EPN3: variants seen among roughly 807,000 people sequenced by gnomAD.
The protein encoded by EPN3 is epsin-3.
EPN3 carries 56 observed loss-of-function variants against 55.5 expected under a neutral mutation model. The observed-to-expected ratio is 1.01, with a 90% CI of 0.81 to 1.26. The LOEUF (loss-of-function observed/expected upper bound fraction) is 1.26, where lower values mean the gene tolerates loss of function less well. EPN3 is among the 50% of genes most tolerant of loss of function. EPN3 has a pLI of 0.00. For missense variants in EPN3, 927 were observed against 853.4 expected (o/e 1.09, Z -1.07); for synonymous variants, 449 against 375.2 (o/e 1.20, Z -2.27).
chr17:50,541,719 C>A (rs774981006), intron 9 of EPN3, 25 bp downstream of exon 9: 8 of 1,609,790 alleles, frequency 5.0e-6, no homozygotes, highest in Non-Finnish European at 6.8e-6. Flanking sequence ...TGTCCCTCAA[C>A]CCAGGGGCTC....
chr17:50,538,022 G>A, intron 2 of EPN3, 57 bp from the exon 3 acceptor site: 1 of 1,388,338 alleles, frequency 7.2e-7, no homozygotes. Context: ...GGCAGGCAGA[G>A]GGGTGTGGGA....
rs150842421 is a variant in EPN3, at chr17:50,534,051, C to T, written c.-137+1066C>T. Reference sequence around the variant, plus strand: ...CAGCGCTCCCAGCTGCTCCCTCCCGCGTTCCCGCGTTCCTTCCTTTCCTCC... The same window carrying T: ...CAGCGCTCCCAGCTGCTCCCTCCCGTGTTCCCGCGTTCCTTCCTTTCCTCC... On this transcript the variant is annotated intron_variant, in intron 1 of 9. Transcript: ENST00000268933. Among the ~76,000 whole-genome samples, 183 of 152,272 alleles carry T rather than the reference C, an allele frequency of 1.2e-3. 2 individuals carry two copies. The highest frequency in any genetic ancestry group is 4.0e-3 in the African/African-American group (167 of 41,548).
chr17:50,540,398 T>C lies in EPN3; in HGVS notation c.979+64T>C. ...CAAGAGCCTCCTCCTTCCCAGCCAC[T>C]TGCTGGGCCAAGCACCTCCTCCCAA... On this transcript the variant is annotated intron_variant, in intron 6 of 9. Coordinates refer to ENST00000268933, the MANE Select transcript of EPN3 (RefSeq NM_017957.3). The C allele has an allele frequency of 4.7e-5, 70 of 1,484,820 alleles. 4 individuals are homozygous for C. The South Asian group carries it at 7.4e-4, about 16-fold the overall frequency. The allele number at this position is 1,484,820 out of a possible 1,614,324, so 92.0% of individuals were successfully genotyped here.
rs1446687771 is a variant in EPN3 at position 50,543,002 on chromosome 17, TCAGA to T, written c.*849_*852del. ...ATGGGGCGGGGCTGGAACTCAAGAG[TCAGA>T]CAGTCTGGCTCCAAGGCCTGGAGAT... On this transcript the variant is annotated 3_prime_UTR_variant, in exon 10 of 10. Coordinates refer to ENST00000268933, the MANE Select transcript of EPN3 (RefSeq NM_017957.3). 2 of 151,960 alleles carry T rather than the reference TCAGA, an allele frequency of 1.3e-5. No homozygotes were observed. Among genetic ancestry groups the T allele is most frequent in the African/African-American group, 4.8e-5 (2 of 41,346 alleles). 9.4% of individuals were successfully genotyped at this position (151,960 alleles called of 1,614,324 possible). A position where few individuals can be genotyped will look rare whatever the true frequency, so the allele number is the denominator to read the frequency against.
At position 50,540,824 on chromosome 17, in the gene EPN3, C is replaced by A. The variant is rs564152652; in HGVS notation, c.1011C>A (p.Ser337=). Residue 337 remains serine, a synonymous_variant, in exon 7 of 10, where the codon TCC becomes TCA. Coordinates refer to ENST00000268933, the MANE Select transcript of EPN3 (RefSeq NM_017957.3). ...GFRPNTEASG[S]SWGPSADPWS... ...GGCCGAACACAGAGGCCAGTGGATCCTCCTGGGGGCCTTCTGCAGACCCCT... is the reference window on the plus strand; with the variant it reads ...GGCCGAACACAGAGGCCAGTGGATCATCCTGGGGGCCTTCTGCAGACCCCT... The A allele has an allele frequency of 6.2e-7, 1 of 1,613,420 alleles. No individual in the cohort carries two copies. The highest frequency in any genetic ancestry group is 1.3e-5 in the African/African-American group (1 of 75,054).
chr17:50,535,841 TAGGTCTTAAGCTA>T (rs2034752041), intron 1 of EPN3, among the ~76,000 whole-genome samples: 1 of 152,154 alleles, frequency 6.6e-6, no homozygotes, highest in Non-Finnish European at 1.5e-5. Flanking sequence ...CTAGGAAGGA[TAGGTCTTAAGCTA>T]GATCTCAGCA....
intron 5 of EPN3, 29 bp from the exon 6 acceptor site, chr17:50,540,218 T>G: frequency 6.2e-7 from 1 of 1,601,674 alleles, no homozygotes. Flanking sequence ...CGCCCACTTC[T>G]GAGCCGCGGC....
In EPN3 at chr17:50,540,845, C is replaced by G; in HGVS notation, c.1032C>G (p.Asp344Glu). Residue 344 changes from aspartate to glutamate, a missense_variant, in exon 7 of 10, where the codon GAC becomes GAG. By Grantham distance (45) the Asp-to-Glu change is conservative. Coordinates refer to ENST00000268933, the MANE Select transcript of EPN3 (RefSeq NM_017957.3). The stretch of plus-strand genomic sequence containing the variant: ...GATCCTCCTGGGGGCCTTCTGCAGA[C>G]CCCTGGTCTCCGATCCCCTCAGGAA... ...ASGSSWGPSA[D>E]PWSPIPSGTV... 1.2e-6 allele frequency: 2 copies of G among 1,614,016 alleles called. No individual in the cohort carries two copies. Among genetic ancestry groups the G allele is most frequent in the Non-Finnish European group, 8.5e-7 (1 of 1,179,960 alleles).
chr17:50,541,363 T>TG (rs1453215948), intron 8 of EPN3, 30 bp downstream of exon 8: 3 of 1,609,156 alleles, frequency 1.9e-6, no homozygotes, highest in African/African-American at 2.7e-5. Context: ...GGTGAGGCTC[T>TG]GGGGAATGAG....
rs1038837301 is a variant in EPN3 at position 50,543,457 on chromosome 17, C to T, written c.*1300C>T. On this transcript the variant is annotated 3_prime_UTR_variant, in exon 10 of 10. Transcript: ENST00000268933. Reference sequence around the variant, plus strand: ...ACTGGACACTGATGTGTCCTCAGTGCTTGGGGTCTGGCTCTGCAGGCAGCC... The same window carrying T: ...ACTGGACACTGATGTGTCCTCAGTGTTTGGGGTCTGGCTCTGCAGGCAGCC... 6.6e-6 allele frequency: 1 copy of T among 152,256 alleles called. No individual in the cohort carries two copies. Among genetic ancestry groups the T allele is most frequent in the East Asian group, 1.9e-4 (1 of 5,190 alleles). 9.4% of individuals were successfully genotyped at this position (152,256 alleles called of 1,614,324 possible).
chr17:50,543,377 C>A lies in EPN3; in HGVS notation c.*1220C>A, dbSNP rs527894645. On this transcript the variant is annotated 3_prime_UTR_variant, in exon 10 of 10. Transcript: ENST00000268933. ...GGCCTGGTACTCAATCCAGGAGGGG[C>A]CCCTATGACCACCCTCGCCTGTTTT... 1 of 152,404 alleles carries A rather than the reference C, an allele frequency of 6.6e-6. No homozygotes were observed. Among genetic ancestry groups the A allele is most frequent in the Admixed American group, 6.5e-5 (1 of 15,308 alleles). 9.4% of individuals were successfully genotyped at this position (152,404 alleles called of 1,614,324 possible).
At chr17:50,538,649 A>T in intron 3 of EPN3, 1 of 465,368 alleles carries the variant, frequency 2.1e-6, no homozygotes, top group Admixed American at 3.8e-5. Context: ...GGAGGGCCTG[A>T]GGAACTCTCA....
chr17:50,540,241 CCA>C lies in EPN3; in HGVS notation c.892-3_892-2del. The C allele has an allele frequency of 1.2e-6, 2 of 1,611,720 alleles. No homozygotes were observed. The highest frequency in any genetic ancestry group is 1.7e-6 in the Non-Finnish European group (2 of 1,179,862). ...TCTGAGCCGCGGCTGCCTCTCCCCT[CCA>C]CAGTCCTCCATCCTGGACTTGGCTG... is the stretch of plus-strand genomic sequence containing the variant. On this transcript the variant is annotated splice_region_variant and splice_polypyrimidine_tract_variant and intron_variant, in intron 5 of 9. Transcript: ENST00000268933.
chr17:50,532,761 G>C lies in EPN3; in HGVS notation c.-361G>C, dbSNP rs1442618217. ...GAGTGCTGCCTGGCGCTGGCTAGGA[G>C]GCAAACGCACGCGGGAAGAGCTGCT... On this transcript the variant is annotated 5_prime_UTR_variant, in exon 1 of 10. Coordinates refer to ENST00000268933, the MANE Select transcript of EPN3 (RefSeq NM_017957.3). 2 of 625,098 alleles carry C rather than the reference G, an allele frequency of 3.2e-6. No homozygotes were observed. The highest frequency in any genetic ancestry group is 4.8e-6 in the Non-Finnish European group (2 of 415,622). 38.7% of individuals were successfully genotyped at this position (625,098 alleles called of 1,614,324 possible).
rs2034811789 is a variant in EPN3, at chr17:50,539,276, A to T, written c.852A>T (p.Arg284Ser). The T allele has an allele frequency of 1.9e-6, 3 of 1,614,088 alleles. No homozygotes were observed. In the South Asian group the frequency reaches 3.3e-5, roughly 18 times the overall value. The change falls in exon 5 of 10, where the codon AGA becomes AGT. Residue 284 changes from arginine (R) to serine (S), a missense_variant. By Grantham distance (110) the Arg-to-Ser change is moderately radical. Transcript: ENST00000268933. ...ATCAGCGGGACAGAGAGCCTGAGAG[A>T]GAAGAGAGAAAGGAGGAGGAGAAGC... ...VHHQRDREPE[R>S]EERKEEEKLK...
Position 50,541,921 on chromosome 17 carries a change from G to T in EPN3, c.1663G>T (p.Gly555Cys). The change falls in exon 10 of 10, where the codon GGC becomes TGC. Residue 555 changes from glycine (G) to cysteine (C), a missense_variant. Transcript: ENST00000268933. ...GCCGACGCTAAACCAGATGCGCACCGGCTCGCCGGCGCTGGGCCTGGCAGG... is the reference window on the plus strand; with the variant it reads ...GCCGACGCTAAACCAGATGCGCACCTGCTCGCCGGCGCTGGGCCTGGCAGG... ...GRPTLNQMRT[G>C]SPALGLAGGP... is the part of the protein sequence containing the mutation. The T allele has an allele frequency of 1.2e-6, 2 of 1,600,896 alleles. No individual in the cohort carries two copies. Among genetic ancestry groups the T allele is most frequent in the Non-Finnish European group, 1.7e-6 (2 of 1,178,518 alleles).
intron 3 of EPN3, 139 bp from the exon 4 acceptor site, chr17:50,538,745 T>C (rs554054945): frequency 1.7e-5 from 10 of 582,702 alleles, no homozygotes; most frequent in Admixed American, 3.6e-5. Context: ...CCCACCCTGC[T>C]GACTGAGCGG....
rs1464323859 is a variant in EPN3, at chr17:50,542,169, T to C, written c.*12T>C. On this transcript the variant is annotated 3_prime_UTR_variant, in exon 10 of 10. Coordinates refer to ENST00000268933, the MANE Select transcript of EPN3 (RefSeq NM_017957.3). ...ACCCCTTCCTCTGAGCCCCGCCCCG[T>C]CCCATACCGGCCTGCGCCTGCGCCG... is the stretch of plus-strand genomic sequence containing the variant. 1 of 1,477,648 alleles carries C rather than the reference T, an allele frequency of 6.8e-7. No individual in the cohort carries two copies. The highest frequency in any genetic ancestry group is 8.9e-7 in the Non-Finnish European group (1 of 1,123,756). 91.5% of individuals were successfully genotyped at this position (1,477,648 alleles called of 1,614,324 possible).
At position 50,539,179 on chromosome 17, in the gene EPN3, T is replaced by C. The variant is rs781489587; in HGVS notation, c.763-8T>C. 1.9e-6 allele frequency: 3 copies of C among 1,613,720 alleles called. No individual in the cohort carries two copies. Among genetic ancestry groups the C allele is most frequent in the Non-Finnish European group, 2.5e-6 (3 of 1,179,914 alleles). ...TCATGCTCCTAACTCTTTCTGTGCC[T>C]TCTGCAGGAGGTGAGGTCCTGGCAG... On this transcript the variant is annotated splice_polypyrimidine_tract_variant and splice_region_variant and intron_variant, in intron 4 of 9. Transcript: ENST00000268933.
Sources: gnomAD v4.1 joint callset for allele counts (sites outside exome capture counted in the v4.1 genomes callset) on GRCh38, gnomAD v4.1.1 for gene constraint, MANE v1.5 for transcripts, NCBI Gene and HGNC (gene_info 2026-07-23, HGNC 2026-07-21) for gene names.